EXOC4: variants seen among roughly 807,000 people sequenced by gnomAD.
The protein encoded by EXOC4 is SEC8-like 1.
EXOC4 carries 71 observed loss-of-function variants against 107.2 expected under a neutral mutation model. That is an observed-to-expected ratio of 0.66 (90% confidence interval 0.55 to 0.81). The LOEUF (loss-of-function observed/expected upper bound fraction) is 0.81. Ranked by LOEUF, EXOC4 falls within the 30% of genes least tolerant of loss-of-function variation. The pLI, the probability that EXOC4 is intolerant of heterozygous loss-of-function variation, is 0.00. For synonymous variants in EXOC4, 456 were observed against 441.2 expected, an observed-to-expected ratio of 1.03 and a Z score of -0.42; for missense variants, 1,108 against 1,189.6, an observed-to-expected ratio of 0.93 and a Z score of 1.01.
At chr7:133,646,470 AGT>A (rs1802995337) in intron 10 of EXOC4, among the ~76,000 whole-genome samples, 1 of 152,110 alleles carries the variant, frequency 6.6e-6, no homozygotes, top group Non-Finnish European at 1.5e-5. Context: ...TGAAAATGAA[AGT>A]GTAAGCTTTT....
chr7:134,049,319 G>A (rs1795728286), intron 17 of EXOC4, among the ~76,000 whole-genome samples: 1 of 152,110 alleles, frequency 6.6e-6, no homozygotes. Flanking sequence ...ACTCACCCAT[G>A]AAAGTCCAAA....
intron 10 of EXOC4, among the ~76,000 whole-genome samples, chr7:133,678,204 C>T (rs940957708): frequency 9.9e-5 from 15 of 152,172 alleles, no homozygotes; most frequent in African/African-American, 3.6e-4. Flanking sequence ...CATTTTGCAG[C>T]ACCATAGATT....
At chr7:133,536,298 G>T (rs1056128388) in intron 9 of EXOC4, among the ~76,000 whole-genome samples, 1 of 151,980 alleles carries the variant, frequency 6.6e-6, no homozygotes, top group African/African-American at 2.4e-5. Flanking sequence ...TTTTTAATTA[G>T]ATATTTTACT....
intron 14 of EXOC4, among the ~76,000 whole-genome samples, chr7:133,959,879 G>A (rs747129250): frequency 2.5e-4 from 38 of 152,144 alleles, no homozygotes; most frequent in Admixed American, 9.8e-4. Context: ...CCAGTTCCAT[G>A]TAAGGGAAGA....
chr7:133,672,389 TAAAA>T (rs764420077), intron 10 of EXOC4, among the ~76,000 whole-genome samples: 1 of 130,122 alleles, frequency 7.7e-6, no homozygotes, highest in African/African-American at 2.8e-5. Context: ...AGACTCCGTT[TAAAA>T]AAAAAAAAAA....
At chr7:133,257,039 A>G (rs1206012828) in intron 1 of EXOC4, among the ~76,000 whole-genome samples, 3 of 152,266 alleles carry the variant, frequency 2.0e-5, no homozygotes, top group African/African-American at 7.2e-5. Flanking sequence ...TTTAAAAATT[A>G]TCGAATAAAA....
intron 7 of EXOC4, among the ~76,000 whole-genome samples, chr7:133,381,738 T>G (rs2150701880): frequency 6.6e-6 from 1 of 152,296 alleles, no homozygotes; most frequent in East Asian, 1.9e-4. Context: ...GATTGATTCT[T>G]AGCTCCATCT....
At chr7:133,270,188 C>T (rs1477766175) in intron 1 of EXOC4, among the ~76,000 whole-genome samples, 3 of 152,166 alleles carry the variant, frequency 2.0e-5, no homozygotes, top group African/African-American at 7.2e-5. Flanking sequence ...CTTTCACCTT[C>T]TGCCATGATT....
chr7:133,386,816 G>A (rs1349378753), intron 7 of EXOC4, among the ~76,000 whole-genome samples: 1 of 139,668 alleles, frequency 7.2e-6, no homozygotes, highest in Non-Finnish European at 1.6e-5. Flanking sequence ...AAGACGTAAT[G>A]AAAGGAGAGT....
At chr7:133,598,687 A>G (rs1170622489) in intron 9 of EXOC4, among the ~76,000 whole-genome samples, 1 of 152,184 alleles carries the variant, frequency 6.6e-6, no homozygotes, top group East Asian at 1.9e-4. Context: ...TACTCTAAGT[A>G]TAAAATGCAA....
chr7:133,267,551 C>T (rs769503559), intron 1 of EXOC4, among the ~76,000 whole-genome samples: 1 of 152,150 alleles, frequency 6.6e-6, no homozygotes, highest in African/African-American at 2.4e-5. Flanking sequence ...AGCCTCCTTC[C>T]TCCTTGCCTG....
At chr7:133,873,521 G>A (rs963963243) in intron 11 of EXOC4, among the ~76,000 whole-genome samples, 1 of 152,152 alleles carries the variant, frequency 6.6e-6, no homozygotes, top group African/African-American at 2.4e-5. Flanking sequence ...GTGTGAAGAT[G>A]TTAAGTTTAT....
chr7:133,956,168 T>G (rs574764915), intron 14 of EXOC4, among the ~76,000 whole-genome samples: 1 of 148,702 alleles, frequency 6.7e-6, no homozygotes, highest in South Asian at 2.1e-4. Context: ...AGTAGTACCA[T>G]TGCTTTTTAT....
At chr7:133,534,587 T>G (rs931595742) in intron 9 of EXOC4, among the ~76,000 whole-genome samples, 1 of 152,172 alleles carries the variant, frequency 6.6e-6, no homozygotes, top group Non-Finnish European at 1.5e-5. Context: ...GGCTAGGAAA[T>G]GTTTTCTCTG....
intron 10 of EXOC4, among the ~76,000 whole-genome samples, chr7:133,657,211 C>T (rs1803320463): frequency 1.3e-5 from 2 of 152,120 alleles, no homozygotes; most frequent in Admixed American, 6.6e-5. Context: ...AGTTTCTTTC[C>T]ATTCCTAGTT....
rs1442158028 is a variant in EXOC4 at position 133,375,439 on chromosome 7, C to T, written c.1182+437C>T. 5.9e-5 allele frequency among the ~76,000 whole-genome samples: 9 copies of T among 151,964 alleles called. No individual in the cohort carries two copies. The East Asian group carries it at 1.7e-3, about 29-fold the overall frequency. On this transcript the variant is annotated intron_variant, in intron 7 of 17. Transcript: ENST00000253861. ...TGCAGTGAGCCATTGTACCACTGCA[C>T]TCCAGCCTGGGTAACAGAGTGAGAC... is the stretch of plus-strand genomic sequence containing the variant.
chr7:133,317,499 G>T, intron 5 of EXOC4, 109 bp downstream of exon 5: 1 of 711,068 alleles, frequency 1.4e-6, no homozygotes, highest in Non-Finnish European at 2.4e-6. Flanking sequence ...GGGCTAGGTG[G>T]GCCTGAGCTA....
chr7:134,016,110 G>A (rs564906026), intron 17 of EXOC4, among the ~76,000 whole-genome samples: 1 of 152,194 alleles, frequency 6.6e-6, no homozygotes, highest in South Asian at 2.1e-4. Context: ...GGATACAGGA[G>A]GAGAGAGGAG....
chr7:133,599,863 C>G (rs1026785298), intron 9 of EXOC4, among the ~76,000 whole-genome samples: 1 of 148,966 alleles, frequency 6.7e-6, no homozygotes, highest in African/African-American at 2.5e-5. Flanking sequence ...AACTATGGAG[C>G]AAGTATTAGA....
Sources: allele counts gnomAD v4.1 joint callset (sites outside exome capture counted in the v4.1 genomes callset), GRCh38; gene constraint gnomAD v4.1.1; transcripts MANE v1.5; gene names NCBI Gene and HGNC (gene_info 2026-07-23, HGNC 2026-07-21).